Variants in JMJD1C observed in about 807,000 individuals in gnomAD.
JMJD1C encodes the protein jumonji domain containing 1C.
Under a neutral mutation model 245.3 loss-of-function variants are expected in JMJD1C, and 31 were observed. The ratio of observed to expected loss-of-function variants is 0.13; its 90% CI spans 0.09 to 0.17. JMJD1C has a LOEUF of 0.17. JMJD1C is among the 10% of genes least tolerant of loss of function. The probability of loss-of-function intolerance (pLI) is 1.00; values close to 1 mark genes in which losing one functional copy is unlikely to be tolerated. For synonymous variants in JMJD1C, 1,057 were observed against 1,017.4 expected, an observed-to-expected ratio of 1.04 and a Z score of -0.74; for missense variants, 2,691 against 3,000.2, an observed-to-expected ratio of 0.90 and a Z score of 2.41.
At chr10:63,381,188 T>C (rs572290618) in intron 1 of JMJD1C, among the ~76,000 whole-genome samples, 1 of 152,290 alleles carries the variant, frequency 6.6e-6, no homozygotes, top group South Asian at 2.1e-4. Context: ...TATCACATGT[T>C]CACACTCATA....
chr10:63,444,977 A>T (rs994204422), intron 1 of JMJD1C, among the ~76,000 whole-genome samples: 2 of 152,188 alleles, frequency 1.3e-5, no homozygotes, highest in Non-Finnish European at 2.9e-5. Flanking sequence ...CTGTAATCCC[A>T]TCACTTTGGG....
chr10:63,354,955 G>A (rs1359965660), intron 2 of JMJD1C, among the ~76,000 whole-genome samples: 2 of 151,930 alleles, frequency 1.3e-5, no homozygotes, highest in East Asian at 1.9e-4. Context: ...CCTAGGGAGT[G>A]GAAGTTGCAG....
intron 2 of JMJD1C, among the ~76,000 whole-genome samples, chr10:63,285,435 G>T (rs1857872760): frequency 6.6e-6 from 1 of 152,078 alleles, no homozygotes; most frequent in Admixed American, 6.6e-5. Context: ...CCCTTCCCTT[G>T]CCCTCTGAGT....
intron 2 of JMJD1C, among the ~76,000 whole-genome samples, chr10:63,353,024 A>G (rs1442266409): frequency 6.6e-6 from 1 of 152,230 alleles, no homozygotes; most frequent in East Asian, 1.9e-4. Flanking sequence ...CATACAGTCT[A>G]CGAGGAGAGA....
intron 2 of JMJD1C, among the ~76,000 whole-genome samples, chr10:63,341,311 G>C (rs10761745): frequency 0.86 from 131,145 of 152,286 alleles, 57,198 homozygotes; most frequent in African/African-American, 0.97. Context: ...TTATGAAAAT[G>C]TGACGCCAGA....
chr10:63,429,740 G>T (rs952256742), intron 1 of JMJD1C, among the ~76,000 whole-genome samples: 6 of 152,238 alleles, frequency 3.9e-5, no homozygotes, highest in Middle Eastern at 3.4e-3. Flanking sequence ...GCAAAAAGAA[G>T]AATCATCACT....
intron 2 of JMJD1C, among the ~76,000 whole-genome samples, chr10:63,378,023 T>C (rs1946903802): frequency 6.7e-6 from 1 of 150,330 alleles, no homozygotes; most frequent in South Asian, 2.1e-4. Flanking sequence ...CTCTTAGTAA[T>C]AGGACTAAAA....
At chr10:63,325,169 T>C (rs1262700014) in intron 2 of JMJD1C, among the ~76,000 whole-genome samples, 2 of 152,206 alleles carry the variant, frequency 1.3e-5, no homozygotes, top group African/African-American at 2.4e-5. Flanking sequence ...AAAATGATAA[T>C]TATTAGCTGT....
At chr10:63,413,643 C>T (rs185603184) in intron 1 of JMJD1C, among the ~76,000 whole-genome samples, 47 of 151,974 alleles carry the variant, frequency 3.1e-4, no homozygotes, top group East Asian at 7.7e-4. Context: ...GGTTATCAAG[C>T]GATAAGATAA....
chr10:63,306,018 C>T (rs887278782), intron 2 of JMJD1C, among the ~76,000 whole-genome samples: 3 of 151,866 alleles, frequency 2.0e-5, no homozygotes, highest in African/African-American at 4.8e-5. Flanking sequence ...CTACTGTGCC[C>T]GGTAGAGACC....
chr10:63,196,196 T>C (rs189356742), intron 13 of JMJD1C, among the ~76,000 whole-genome samples: 5 of 151,830 alleles, frequency 3.3e-5, no homozygotes, highest in South Asian at 4.2e-4. Context: ...GAGGCCAAGA[T>C]TGCGCCACTG....
intron 2 of JMJD1C, among the ~76,000 whole-genome samples, chr10:63,358,211 A>T (rs1050804236): frequency 6.6e-6 from 1 of 152,122 alleles, no homozygotes; most frequent in South Asian, 2.1e-4. Context: ...GGATACGAAA[A>T]TTTTTTCACA....
chr10:63,424,516 TTTC>T (rs1242177504), intron 1 of JMJD1C, among the ~76,000 whole-genome samples: 2 of 147,508 alleles, frequency 1.4e-5, no homozygotes, highest in African/African-American at 5.0e-5. Flanking sequence ...TTTTTTTTTT[TTTC>T]TTTTTGAGAC....
intron 1 of JMJD1C, among the ~76,000 whole-genome samples, chr10:63,441,665 C>T (rs1236199119): frequency 6.6e-6 from 1 of 152,114 alleles, no homozygotes; most frequent in Admixed American, 6.5e-5. Flanking sequence ...CAGTTTTCAA[C>T]AAAATCACAT....
At chr10:63,390,202 C>A (rs559318917) in intron 1 of JMJD1C, among the ~76,000 whole-genome samples, 1 of 152,176 alleles carries the variant, frequency 6.6e-6, no homozygotes, top group East Asian at 1.9e-4. Flanking sequence ...AGAGAAATTA[C>A]AACTGATACC....
chr10:63,178,169 G>A (rs1843037977), intron 22 of JMJD1C, among the ~76,000 whole-genome samples: 1 of 152,120 alleles, frequency 6.6e-6, no homozygotes, highest in African/African-American at 2.4e-5. Context: ...TTGAACTCCT[G>A]AGCTCAGGCA....
chr10:63,350,978 T>C (rs1944306818), intron 2 of JMJD1C, among the ~76,000 whole-genome samples: 1 of 152,094 alleles, frequency 6.6e-6, no homozygotes, highest in African/African-American at 2.4e-5. Context: ...TATGACTAGA[T>C]ATGTAAGCAA....
At chr10:63,414,928 C>T (rs1347916984) in intron 1 of JMJD1C, among the ~76,000 whole-genome samples, 1 of 133,166 alleles carries the variant, frequency 7.5e-6, no homozygotes, top group Non-Finnish European at 1.7e-5. Context: ...AAAATTATTC[C>T]AACACTAGAG....
chr10:63,222,138 G>T (rs919626383), intron 3 of JMJD1C: 4 of 713,178 alleles, frequency 5.6e-6, no homozygotes, highest in Admixed American at 1.8e-5. Flanking sequence ...CGCCAGGGAG[G>T]TCCCCCATCT....
Sources: gnomAD v4.1 joint callset for allele counts (sites outside exome capture counted in the v4.1 genomes callset) on GRCh38, gnomAD v4.1.1 for gene constraint, MANE v1.5 for transcripts, NCBI Gene and HGNC (gene_info 2026-07-23, HGNC 2026-07-21) for gene names.